Variants in CIROP observed in about 807,000 individuals in gnomAD.
The protein encoded by CIROP is leishmanolysin homolog.
At chr14:23,102,682 C>A in the CIROP span, 1 of 702,934 alleles carries the variant, frequency 1.4e-6, no homozygotes, top group Non-Finnish European at 2.6e-6. Flanking sequence ...TCCAGAGAAA[C>A]CCAAGGCATG....
chr14:23,102,640 G>C, the CIROP span: 1 of 702,946 alleles, frequency 1.4e-6, no homozygotes, highest in Non-Finnish European at 2.6e-6. Context: ...ACTGAATCCT[G>C]AGGGGCAGTC....
At chr14:23,101,811 A>G in the CIROP span, 15 of 702,756 alleles carry the variant, frequency 2.1e-5, no homozygotes, top group Non-Finnish European at 3.9e-5. Context: ...ACTGGCAGCC[A>G]TACAGTCCCC....
the CIROP span, chr14:23,101,281 AT>A: frequency 4.2e-6 from 2 of 472,090 alleles, no homozygotes; most frequent in Non-Finnish European, 7.4e-6. Flanking sequence ...TACTACTCTT[AT>A]GGTACCCACC....
the CIROP span, chr14:23,099,369 G>A: frequency 9.2e-5 from 38 of 413,442 alleles, no homozygotes; most frequent in African/African-American, 7.0e-4. Flanking sequence ...CAGGAAGAGT[G>A]GCTCTTTTCT....
the CIROP span, chr14:23,104,703 A>G: frequency 1.4e-6 from 1 of 702,942 alleles, no homozygotes; most frequent in Non-Finnish European, 2.6e-6. Flanking sequence ...TCCATCTGAT[A>G]TATGATCTCC....
chr14:23,099,351 T>A, the CIROP span: 7 of 413,372 alleles, frequency 1.7e-5, no homozygotes, highest in East Asian at 2.5e-4. Context: ...AAGAGGCAGA[T>A]GGTCTCACAG....
chr14:23,100,258 AAAG>A, the CIROP span: 188 of 347,276 alleles, frequency 5.4e-4, no homozygotes, highest in Non-Finnish European at 5.8e-4. Context: ...CTGTCTCAAA[AAAG>A]AAGAAGAAAA....
chr14:23,102,137 A>G, the CIROP span: 1 of 702,972 alleles, frequency 1.4e-6, no homozygotes, highest in Non-Finnish European at 2.6e-6. Context: ...TTGACCTGGT[A>G]CCAGCCTGAG....
At chr14:23,101,676 G>A in the CIROP span, 1 of 702,972 alleles carries the variant, frequency 1.4e-6, no homozygotes, top group Non-Finnish European at 2.6e-6. Flanking sequence ...CACCCCATTG[G>A]CTAAGGGCTT....
the CIROP span, chr14:23,101,348 T>C: frequency 1.9e-6 from 1 of 535,776 alleles, no homozygotes; most frequent in Non-Finnish European, 3.3e-6. Context: ...ACCTGCACCT[T>C]GTAAGCTCCC....
At chr14:23,104,816 G>C in the CIROP span, 2 of 702,984 alleles carry the variant, frequency 2.8e-6, no homozygotes, top group Admixed American at 4.0e-5. Context: ...AAGGGGGCCT[G>C]AGAAGGCTCA....
the CIROP span, chr14:23,101,288 C>T: frequency 2.1e-6 from 1 of 486,568 alleles, no homozygotes; most frequent in Non-Finnish European, 3.6e-6. Flanking sequence ...CTTATGGTAC[C>T]CACCTGTATA....
At chr14:23,102,068 C>T in the CIROP span, 2 of 702,652 alleles carry the variant, frequency 2.8e-6, no homozygotes, top group Non-Finnish European at 5.2e-6. Flanking sequence ...GAGTGCCTCT[C>T]TGCAGGTCTC....
chr14:23,101,351 A>G, the CIROP span: 1 of 536,894 alleles, frequency 1.9e-6, no homozygotes, highest in Non-Finnish European at 3.3e-6. Flanking sequence ...TGCACCTTGT[A>G]AGCTCCCCTC....
chr14:23,103,002 C>A, the CIROP span: 1 of 575,074 alleles, frequency 1.7e-6, no homozygotes. Context: ...AGCGAGGGGC[C>A]TGTCTTCTGA....
chr14:23,102,019 C>CA, the CIROP span: 1 of 700,732 alleles, frequency 1.4e-6, no homozygotes, highest in Non-Finnish European at 2.6e-6. Context: ...ACAGACACCC[C>CA]TCCAGCCTCC....
the CIROP span, chr14:23,099,379 T>C: frequency 2.4e-6 from 1 of 413,348 alleles, no homozygotes; most frequent in Non-Finnish European, 4.4e-6. Context: ...GGCTCTTTTC[T>C]GGTAGGCTGT....
chr14:23,100,276 G>C, the CIROP span: 3 of 377,034 alleles, frequency 8.0e-6, no homozygotes, highest in Non-Finnish European at 1.5e-5. Context: ...AGAAAAAGGT[G>C]GGGGGAGGGG....
chr14:23,102,984 A>G, the CIROP span: 4 of 582,508 alleles, frequency 6.9e-6, no homozygotes, highest in Admixed American at 9.3e-5. Context: ...ACAGTAGACA[A>G]TGGTACCAGC....
Sources: gnomAD v4.1 joint callset for allele counts on GRCh38, gnomAD v4.1.1 for gene constraint, MANE v1.5 for transcripts, NCBI Gene and HGNC (gene_info 2026-07-23, HGNC 2026-07-21) for gene names.